The following COX7A2 variants were observed in gnomAD, a reference collection of about 807,000 sequenced individuals.
The protein encoded by COX7A2 is cytochrome c oxidase subunit 7A2, also known as cytochrome c oxidase subunit 7A2, mitochondrial.
In COX7A2, 11 loss-of-function variants were observed where a neutral mutation model predicts 11.6. The observed-to-expected ratio is 0.95, with a 90% CI of 0.60 to 1.57. The LOEUF (loss-of-function observed/expected upper bound fraction) is 1.57. Among genes scored for constraint, COX7A2 ranks in the 40% most tolerant of loss-of-function variants. The pLI is 0.00. For missense variants in COX7A2, 106 were observed against 100.9 expected, an observed-to-expected ratio of 1.05 and a Z score of -0.22; for synonymous variants, 30 against 38.2, an observed-to-expected ratio of 0.78 and a Z score of 0.79.
chr6:75,242,936 TTC>T (rs1771561620), intron 1 of COX7A2, among the ~76,000 whole-genome samples: 1 of 152,212 alleles, frequency 6.6e-6, no homozygotes, highest in Non-Finnish European at 1.5e-5. Flanking sequence ...ATTAAAATGC[TTC>T]TCTCATTACA....
intron 3 of COX7A2, among the ~76,000 whole-genome samples, 200 bp from the exon 4 acceptor site, chr6:75,238,188 T>A (rs559060256): frequency 6.5e-4 from 99 of 152,142 alleles, no homozygotes; most frequent in Middle Eastern, 3.4e-3. Context: ...ATAGAAAGTG[T>A]GGCACAATAA....
intron 3 of COX7A2, among the ~76,000 whole-genome samples, chr6:75,239,448 A>T (rs1205697352): frequency 6.6e-6 from 1 of 152,236 alleles, no homozygotes; most frequent in African/African-American, 2.4e-5. Context: ...TTCATCTTTA[A>T]AATGAGGACA....
At chr6:75,238,700 A>C (rs1376970197) in intron 3 of COX7A2, among the ~76,000 whole-genome samples, 2 of 61,882 alleles carry the variant, frequency 3.2e-5, no homozygotes, top group Non-Finnish European at 6.9e-5. Flanking sequence ...GCGAAACTCC[A>C]TCTCAAAAAA....
At chr6:75,243,951 C>T (rs1771616889), upstream of COX7A2, 6 of 827,690 alleles carry the variant, frequency 7.2e-6, no homozygotes, top group South Asian at 3.3e-5. Flanking sequence ...GTCTCAGTCC[C>T]GTGATCTCGT....
chr6:75,249,219 G>A (rs994702323), intron 1 of COX7A2, among the ~76,000 whole-genome samples: 7 of 152,202 alleles, frequency 4.6e-5, no homozygotes, highest in Non-Finnish European at 1.0e-4. Context: ...CCTGGTGACA[G>A]AGTGAGACTC....
At chr6:75,243,119 T>C (rs1202014018) in intron 1 of COX7A2, among the ~76,000 whole-genome samples, 2 of 152,178 alleles carry the variant, frequency 1.3e-5, no homozygotes, top group African/African-American at 2.4e-5. Context: ...AAAATAATCA[T>C]TGTCGCATTT....
At chr6:75,249,054 G>A (rs1344694789) in intron 1 of COX7A2, among the ~76,000 whole-genome samples, 2 of 152,118 alleles carry the variant, frequency 1.3e-5, no homozygotes, top group Non-Finnish European at 2.9e-5. Flanking sequence ...TCAAGAGATC[G>A]AGACCATCCT....
intron 1 of COX7A2, among the ~76,000 whole-genome samples, chr6:75,242,932 ATGCTTCTCTCATT>A (rs1348270930): frequency 6.6e-6 from 1 of 152,206 alleles, no homozygotes; most frequent in Non-Finnish European, 1.5e-5. Flanking sequence ...CTCAATTAAA[ATGCTTCTCTCATT>A]ACATTTTTCC....
intron 1 of COX7A2, among the ~76,000 whole-genome samples, chr6:75,243,176 G>C (rs1033184889): frequency 2.6e-5 from 4 of 152,126 alleles, no homozygotes; most frequent in Admixed American, 2.0e-4. Context: ...CAAAGTCGAT[G>C]GAGGGGTGAA....
rs557868927 is a variant in COX7A2 at position 75,237,857 on chromosome 6, G to A, written c.*73C>T. ...AATATTGATCCCCAAAGAAGAGCTC[G>A]GTTATTTATCAGATTACTGGTCCAT... On this transcript the variant is annotated 3_prime_UTR_variant, in exon 4 of 4. Coordinates refer to ENST00000684430, the MANE Select transcript of COX7A2 (RefSeq NM_001366293.2). 9.4e-5 allele frequency: 107 copies of A among 1,137,640 alleles called. 1 individual carries two copies. In the Admixed American group the frequency reaches 1.3e-3, roughly 13 times the overall value. The allele number at this position is 1,137,640 out of a possible 1,614,324, so 70.5% of individuals were successfully genotyped here. A position where few individuals can be genotyped will look rare whatever the true frequency, so the allele number is the denominator to read the frequency against.
chr6:75,244,978 G>T (rs1771648103), upstream of COX7A2, among the ~76,000 whole-genome samples: 1 of 152,168 alleles, frequency 6.6e-6, no homozygotes, highest in African/African-American at 2.4e-5. Context: ...TAGCTAGGGC[G>T]TGGGGGTTTT....
intron 3 of COX7A2, 98 bp from the exon 4 acceptor site, chr6:75,238,086 A>C (rs1771370362): frequency 1.4e-6 from 1 of 706,582 alleles, no homozygotes; most frequent in Non-Finnish European, 2.1e-6. Context: ...TTGCATTAAG[A>C]CTACCTTAAT....
intron 1 of COX7A2, among the ~76,000 whole-genome samples, chr6:75,249,410 ATTG>A (rs1341101267): frequency 1.3e-5 from 2 of 152,182 alleles, no homozygotes. Flanking sequence ...AAAAAAATAT[ATTG>A]TTGTTAAGAA....
upstream of COX7A2, among the ~76,000 whole-genome samples, chr6:75,244,949 C>G (rs1771647492): frequency 6.6e-6 from 1 of 152,128 alleles, no homozygotes; most frequent in African/African-American, 2.4e-5. Context: ...AAACTCTGGG[C>G]AAAATTACCA....
At chr6:75,238,704 C>CAAAAAAAAAAAAAAAAAAAAAAAAAAA (rs35057968) in intron 3 of COX7A2, among the ~76,000 whole-genome samples, 1 of 55,750 alleles carries the variant, frequency 1.8e-5, no homozygotes, top group Non-Finnish European at 3.0e-5. Flanking sequence ...AACTCCATCT[C>CAAAAAAAAAAAAAAAAAAAAAAAAAAA]AAAAAAAAAA....
At chr6:75,243,590 A>G (rs1381600256) in intron 1 of COX7A2, 127 bp downstream of exon 1, 3 of 800,704 alleles carry the variant, frequency 3.7e-6, no homozygotes, top group African/African-American at 1.7e-5. Context: ...GAAAAAGGAC[A>G]CGAATCAAGG....
chr6:75,238,587 C>T (rs1334979238), intron 3 of COX7A2, among the ~76,000 whole-genome samples: 12 of 151,180 alleles, frequency 7.9e-5, no homozygotes, highest in Non-Finnish European at 1.3e-4. Flanking sequence ...GCCTGTAATC[C>T]CAGCTACTTG....
upstream of COX7A2, among the ~76,000 whole-genome samples, chr6:75,245,490 C>CAAAA (rs11446150): frequency 8.3e-5 from 11 of 132,574 alleles, no homozygotes; most frequent in African/African-American, 3.1e-4. Flanking sequence ...GACTTCATAT[C>CAAAA]AAAAAAAAAA....
chr6:75,243,580 GA>G, intron 1 of COX7A2, 136 bp downstream of exon 1: 9 of 762,000 alleles, frequency 1.2e-5, no homozygotes, highest in Non-Finnish European at 1.8e-5. Flanking sequence ...TAAGGTCAGG[GA>G]AAAAGGACAC....
Sources: allele counts gnomAD v4.1 joint callset (sites outside exome capture counted in the v4.1 genomes callset), GRCh38; gene constraint gnomAD v4.1.1; transcripts MANE v1.5; gene names NCBI Gene and HGNC (gene_info 2026-07-23, HGNC 2026-07-21).